The following HK3 variants were observed in gnomAD, a reference collection of about 807,000 sequenced individuals.
The protein encoded by HK3 is hexokinase 3.
A neutral mutation model predicts 91.0 loss-of-function variants in HK3; 93 were observed. The ratio of observed to expected loss-of-function variants is 1.02; its 90% confidence interval spans 0.86 to 1.21. HK3 has a LOEUF of 1.21. Among genes scored for constraint, HK3 ranks in the 50% most tolerant of loss-of-function variants. The pLI is 0.00. For missense variants in HK3, 1,235 were observed against 1,247.4 expected (o/e 0.99, Z 0.15); for synonymous variants, 519 against 516.9 (o/e 1.00, Z -0.06).
Position 176,881,316 on chromosome 5 carries a change from G to T in HK3, c.2613C>A (p.Tyr871Ter). ...CCCAGACTCACCGCGGGTGCAGCTT[G>T]TAGAGCGTTCCATCCACCCCCACAG... ...AVSVGVDGTL[Y>*]KLHPRFSSLV... Residue 871 changes from tyrosine to a stop codon, truncating the protein, a stop_gained, in exon 18 of 19, where the codon TAC (tyrosine) becomes TAA (stop). Transcript: ENST00000292432. LOFTEE classifies it high-confidence loss of function. The T allele has an allele frequency of 6.2e-7, 1 of 1,613,882 alleles. No homozygotes were observed. The highest frequency in any genetic ancestry group is 8.5e-7 in the Non-Finnish European group (1 of 1,179,964).
chr5:176,881,614 A>G (rs530671414), intron 17 of HK3, 78 bp downstream of exon 17: 3 of 1,593,202 alleles, frequency 1.9e-6, no homozygotes, highest in African/African-American at 1.3e-5. Context: ...AGACCTCGTC[A>G]CCACCCATGG....
intron 2 of HK3, among the ~76,000 whole-genome samples, chr5:176,893,642 G>A (rs116365654): frequency 0.01 from 1,533 of 152,306 alleles, 38 homozygotes; most frequent in African/African-American, 0.035. Flanking sequence ...TGGGAGGGGC[G>A]TTTTAGTATT....
At chr5:176,889,823 G>T in intron 6 of HK3, 79 bp from the exon 7 acceptor site, 1 of 1,232,856 alleles carries the variant, frequency 8.1e-7, no homozygotes, top group East Asian at 2.3e-5. Flanking sequence ...CAGGGCTGGG[G>T]CCCTGGCTTT....
At chr5:176,882,162 C>T in intron 15 of HK3, 35 bp from the exon 16 acceptor site, 2 of 1,608,316 alleles carry the variant, frequency 1.2e-6, no homozygotes, top group Non-Finnish European at 8.5e-7. Flanking sequence ...AAGCTACTTA[C>T]TGATGTAGAC....
In HK3 at chr5:176,887,816, G is replaced by A; in HGVS notation, c.1305-70C>T. ...GACACACACAGGTGTGCACGGCTTGGCCCTGGACCCCCAGATACATACAGG... is the reference window on the plus strand; with the variant it reads ...GACACACACAGGTGTGCACGGCTTGACCCTGGACCCCCAGATACATACAGG... On this transcript the variant is annotated intron_variant, in intron 10 of 18. Coordinates refer to ENST00000292432, the MANE Select transcript of HK3 (RefSeq NM_002115.3). This position sits in a 1 kb window ranked among gnomAD's most constrained non-coding sequence, Gnocchi z 4.9. The A allele has an allele frequency of 6.6e-7, 1 of 1,510,442 alleles. No homozygotes were observed. Among genetic ancestry groups the A allele is most frequent in the South Asian group, 1.3e-5 (1 of 78,902 alleles). The allele number at this position is 1,510,442 out of a possible 1,614,324, so 93.6% of individuals were successfully genotyped here.
rs568483521 is a variant in HK3 at position 176,887,744 on chromosome 5, A to G, written c.1307T>C (p.Phe436Ser). Residue 436 changes from phenylalanine (F) to serine (S), a missense_variant and splice_region_variant, in exon 11 of 19, where the codon TTC becomes TCC. By Grantham distance (155) the Phe-to-Ser change is radical. This residue lies in a region of HK3 where 717 missense variants were observed against 751.6 expected (regional missense o/e 0.95). Coordinates refer to ENST00000292432, the MANE Select transcript of HK3 (RefSeq NM_002115.3). The surrounding 1 kb of genome is among the most constrained non-coding windows in gnomAD (Gnocchi z 4.9). ...GGRVCERHPR[F>S]CSVLQGTVML... ...CACTGTCCCCTGCAGGACGCTGCAGAACCTACAGATACATACAGGTGCACC... is the reference window on the plus strand; with the variant it reads ...CACTGTCCCCTGCAGGACGCTGCAGGACCTACAGATACATACAGGTGCACC... The G allele has an allele frequency of 6.2e-7, 1 of 1,605,148 alleles. No homozygotes were observed. Among genetic ancestry groups the G allele is most frequent in the East Asian group, 2.2e-5 (1 of 44,676 alleles).
chr5:176,886,888 C>G, intron 13 of HK3, 114 bp downstream of exon 13: 1 of 1,265,078 alleles, frequency 7.9e-7, no homozygotes, highest in South Asian at 1.4e-5. Flanking sequence ...CTGCCACCAC[C>G]ACCAACCCCA....
At chr5:176,898,779 G>A (rs1758968427) in intron 1 of HK3, among the ~76,000 whole-genome samples, 1 of 152,188 alleles carries the variant, frequency 6.6e-6, no homozygotes, top group African/African-American at 2.4e-5. Context: ...TACACGAAGT[G>A]AGTTTTCCTC....
chr5:176,887,359 G>A lies in HK3; in HGVS notation c.1601-22C>T, dbSNP rs1423020928. 9 of 1,613,674 alleles carry A rather than the reference G, an allele frequency of 5.6e-6. No individual in the cohort carries two copies. Among genetic ancestry groups the A allele is most frequent in the Non-Finnish European group, 7.6e-6 (9 of 1,180,044 alleles). On this transcript the variant is annotated intron_variant, in intron 11 of 18. Coordinates refer to ENST00000292432, the MANE Select transcript of HK3 (RefSeq NM_002115.3). The surrounding 1 kb of genome is among the most constrained non-coding windows in gnomAD (Gnocchi z 4.9). The stretch of plus-strand genomic sequence containing the variant: ...CGCTCTGTGGGGGCAGAGACCCTCA[G>A]TGCCGGGATAGGGCTTGTGGCTCCA...
Position 176,881,794 on chromosome 5 carries a change from A to C in HK3, c.2291T>G (p.Leu764Arg). The change falls in exon 17 of 19, where the codon CTT becomes CGT. Residue 764 changes from leucine (L) to arginine (R), a missense_variant. Leu to Arg is a moderately radical substitution (Grantham distance 102). Transcript: ENST00000292432. ...MYLGEIVRHI[L>R]LHLTSLGVLF... ...AACGCCAAGGCTGGTTAAATGTAAA[A>C]GGATGTGGCGGACGATCTCCCCCAG... 1 of 1,614,138 alleles carries C rather than the reference A, an allele frequency of 6.2e-7. No individual in the cohort carries two copies. The highest frequency in any genetic ancestry group is 8.5e-7 in the Non-Finnish European group (1 of 1,180,032).
At chr5:176,892,157 G>A (rs144726224) in intron 2 of HK3, among the ~76,000 whole-genome samples, 1 of 152,318 alleles carries the variant, frequency 6.6e-6, no homozygotes, top group Non-Finnish European at 1.5e-5. Context: ...AGCAACAAAT[G>A]CTTTAGATTC....
Position 176,887,610 on chromosome 5 carries a change from G to T in HK3, c.1441C>A (p.Arg481Ser). 1 of 1,613,762 alleles carries T rather than the reference G, an allele frequency of 6.2e-7. No homozygotes were observed. The highest frequency in any genetic ancestry group is 8.5e-7 in the Non-Finnish European group (1 of 1,179,982). Reference sequence around the variant, plus strand: ...GGGGCCAGGGTCTCCTCCAGCAGGCGCCGGTGGGCAGCCAGACGGGCAGCC... The same window carrying T: ...GGGGCCAGGGTCTCCTCCAGCAGGCTCCGGTGGGCAGCCAGACGGGCAGCC... ...AVAARLAAHR[R>S]LLEETLAPFR... The change falls in exon 11 of 19, where the codon CGC (arginine) becomes AGC (serine). Residue 481 changes from arginine (R) to serine (S), a missense_variant. Arg to Ser is a moderately radical substitution (Grantham distance 110). Around this residue, in one of 3 missense-constraint regions of HK3, gnomAD observed 717 missense variants for 751.6 expected, o/e 0.95. Transcript: ENST00000292432. This position sits in a 1 kb window ranked among gnomAD's most constrained non-coding sequence, Gnocchi z 4.9.
chr5:176,893,437 G>A (rs1758827206), intron 2 of HK3, among the ~76,000 whole-genome samples: 1 of 152,146 alleles, frequency 6.6e-6, no homozygotes, highest in Admixed American at 6.5e-5. Flanking sequence ...CTGAGCCTCA[G>A]TCACCTCTTC....
Position 176,881,204 on chromosome 5 carries a change from C to G in HK3, c.2641G>C (p.Val881Leu). 2 of 1,613,192 alleles carry G rather than the reference C, an allele frequency of 1.2e-6. No individual in the cohort carries two copies. Among genetic ancestry groups the G allele is most frequent in the South Asian group, 2.2e-5 (2 of 91,086 alleles). Residue 881 changes from valine (V) to leucine (L), a missense_variant, in exon 19 of 19, where the codon GTG (valine) becomes CTG (leucine). By Grantham distance (32) the Val-to-Leu change is conservative (BLOSUM62 1). Coordinates refer to ENST00000292432, the MANE Select transcript of HK3 (RefSeq NM_002115.3). ...YKLHPRFSSL[V>L]AATVRELAPR... ...GCCAGCTCCCGCACTGTGGCCGCCA[C>G]CAGGCTGGAGAAGCTGTGAGAGGAG...
Position 176,881,137 on chromosome 5 carries a change from G to A in HK3, c.2708C>T (p.Ser903Phe). The change falls in exon 19 of 19, where the codon TCC becomes TTC. Residue 903 changes from serine to phenylalanine, a missense_variant. Coordinates refer to ENST00000292432, the MANE Select transcript of HK3 (RefSeq NM_002115.3). ...GGTGACCAGGGCCGCACCTTTGCCG[G>A]ACCCATCCTCTGACTGCAGGAACGT... Reference protein sequence around the residue: ...VVTFLQSEDGSGKGAALVTAV... With the variant: ...VVTFLQSEDGFGKGAALVTAV... 6.2e-7 allele frequency: 1 copy of A among 1,613,018 alleles called. No individual in the cohort carries two copies.
chr5:176,891,798 T>C (rs929075953), intron 2 of HK3, among the ~76,000 whole-genome samples: 1 of 152,164 alleles, frequency 6.6e-6, no homozygotes, highest in African/African-American at 2.4e-5. Flanking sequence ...TTACATCCTC[T>C]ACCCTACCCC....
intron 15 of HK3, among the ~76,000 whole-genome samples, chr5:176,882,470 C>T (rs765416115): frequency 1.3e-4 from 20 of 152,202 alleles, no homozygotes; most frequent in Non-Finnish European, 2.4e-4. Flanking sequence ...GTTGAGAGGC[C>T]GAAGCTCCCT....
intron 2 of HK3, among the ~76,000 whole-genome samples, chr5:176,895,753 G>A (rs539102388): frequency 5.3e-5 from 8 of 152,302 alleles, no homozygotes; most frequent in East Asian, 1.9e-4. Context: ...CACTTGGGGC[G>A]GGAGCGGCAC....
chr5:176,881,356 T>A lies in HK3; in HGVS notation c.2573A>T (p.Glu858Val), dbSNP rs1554100930. 1 of 1,613,950 alleles carries A rather than the reference T, an allele frequency of 6.2e-7. No homozygotes were observed. The highest frequency in any genetic ancestry group is 8.5e-7 in the Non-Finnish European group (1 of 1,180,000). ...CACCCCCACAGACACTGCCAGCTCT[T>A]CCAGGCCCCGGTTCTCCCGGATCTT... ...VEKIRENRGL[E>V]ELAVSVGVDG... Residue 858 changes from glutamate (E) to valine (V), a missense_variant, in exon 18 of 19, where the codon GAA (glutamate) becomes GTA (valine). Coordinates refer to ENST00000292432, the MANE Select transcript of HK3 (RefSeq NM_002115.3).
Sources: gnomAD v4.1 joint callset for allele counts (sites outside exome capture counted in the v4.1 genomes callset) on GRCh38, gnomAD v4.1.1 for gene constraint, gnomAD v4.1.1 regional missense constraint, Gnocchi (gnomAD v3.1) non-coding constraint, MANE v1.5 for transcripts, NCBI Gene and HGNC (gene_info 2026-07-23, HGNC 2026-07-21) for gene names.